Variants in PTPRD observed in about 807,000 individuals in gnomAD.
The protein encoded by PTPRD is protein tyrosine phosphatase receptor type D.
PTPRD carries 34 observed loss-of-function variants against 214.5 expected under a neutral mutation model. The ratio of observed to expected loss-of-function variants is 0.16; its 90% CI spans 0.12 to 0.21. The LOEUF is 0.21. Among genes scored for constraint, PTPRD ranks in the 10% least tolerant of loss-of-function variants. The pLI, the probability that PTPRD is intolerant of heterozygous loss-of-function variation, is 1.00. For synonymous variants in PTPRD, 1,128 were observed against 845.7 expected (o/e 1.33, Z -5.79); for missense variants, 2,545 against 2,398.7 (o/e 1.06, Z -1.27).
At chr9:9,854,519 GA>G (rs5896353) in intron 5 of PTPRD, among the ~76,000 whole-genome samples, 2 of 149,420 alleles carry the variant, frequency 1.3e-5, no homozygotes. Context: ...TTTTTTCTCA[GA>G]AAAAAAAAGA....
intron 9 of PTPRD, among the ~76,000 whole-genome samples, chr9:9,260,728 T>C (rs1569565946): frequency 6.6e-6 from 1 of 151,888 alleles, no homozygotes. Flanking sequence ...ATTAATAGAA[T>C]AGAATAGTGC....
chr9:9,419,085 C>T (rs2077860297), intron 8 of PTPRD, among the ~76,000 whole-genome samples: 1 of 149,610 alleles, frequency 6.7e-6, no homozygotes. Flanking sequence ...TATTGTACAA[C>T]TGGGTAAGCT....
At chr9:9,544,746 G>A (rs1323028240) in intron 8 of PTPRD, among the ~76,000 whole-genome samples, 3 of 151,410 alleles carry the variant, frequency 2.0e-5, no homozygotes, top group East Asian at 1.9e-4. Context: ...ACACTAATAG[G>A]TCTAAGCTTT....
chr9:8,368,676 C>CTTTTTTTTTTTTTTTTTTTTTTT (rs199556434), intron 39 of PTPRD, among the ~76,000 whole-genome samples: 1 of 117,346 alleles, frequency 8.5e-6, no homozygotes. Flanking sequence ...CCTTTTAATG[C>CTTTTTTTTTTTTTTTTTTTTTTT]TTTTTTTTTT....
Position 9,899,399 on chromosome 9 carries a change from A to C in PTPRD, c.-368+39108T>G, listed in dbSNP as rs61380648. On this transcript the variant is annotated intron_variant, in intron 5 of 45. Transcript: ENST00000381196. ...TATTTAACAATGGGCAAAGAATGTG[A>C]ATCGATATTTCTGTAAGGAAGACAT... Among the ~76,000 whole-genome samples the C allele has an allele frequency of 5.7e-3, 861 of 152,248 alleles. 9 individuals are homozygous for C. The highest frequency in any genetic ancestry group is 0.019 in the African/African-American group (806 of 41,564).
intron 5 of PTPRD, among the ~76,000 whole-genome samples, chr9:9,868,157 T>C (rs991670897): frequency 9.9e-5 from 15 of 152,184 alleles, no homozygotes; most frequent in African/African-American, 3.1e-4. Context: ...AGCTGAGTCC[T>C]AGTGAGTAGA....
chr9:9,464,236 C>A (rs2093935913), intron 8 of PTPRD, among the ~76,000 whole-genome samples: 2 of 152,088 alleles, frequency 1.3e-5, no homozygotes, highest in Non-Finnish European at 2.9e-5. Context: ...ATACCCATCA[C>A]CCAAATAGTG....
intron 7 of PTPRD, among the ~76,000 whole-genome samples, chr9:9,592,915 C>T (rs1268890012): frequency 1.3e-5 from 2 of 151,818 alleles, no homozygotes; most frequent in African/African-American, 4.8e-5. Flanking sequence ...TGTGGTGGTA[C>T]ACACCTGTAG....
intron 39 of PTPRD, among the ~76,000 whole-genome samples, chr9:8,342,362 G>A (rs1027403829): frequency 2.0e-5 from 3 of 152,022 alleles, no homozygotes; most frequent in Non-Finnish European, 2.9e-5. Flanking sequence ...ATCTGGCTAG[G>A]CTATAGTTCT....
At chr9:9,306,114 T>C (rs1171138169) in intron 9 of PTPRD, among the ~76,000 whole-genome samples, 2 of 152,120 alleles carry the variant, frequency 1.3e-5, no homozygotes. Flanking sequence ...ATAAGAACCC[T>C]ACCAAAACCT....
chr9:9,878,093 G>T (rs1235331233), intron 5 of PTPRD, among the ~76,000 whole-genome samples: 1 of 151,666 alleles, frequency 6.6e-6, no homozygotes, highest in Non-Finnish European at 1.5e-5. Context: ...CCTGCCAACT[G>T]TGGTAGAGAT....
At chr9:10,133,123 G>A (rs561038024) in intron 3 of PTPRD, among the ~76,000 whole-genome samples, 9 of 152,228 alleles carry the variant, frequency 5.9e-5, no homozygotes, top group Admixed American at 5.9e-4. Flanking sequence ...CATTCACTGA[G>A]GCTGTTTACC....
intron 12 of PTPRD, among the ~76,000 whole-genome samples, chr9:8,675,736 C>T (rs2097397318): frequency 6.6e-6 from 1 of 152,074 alleles, no homozygotes; most frequent in Non-Finnish European, 1.5e-5. Context: ...TTATCTCCAT[C>T]ACCTTGTCTC....
intron 5 of PTPRD, among the ~76,000 whole-genome samples, chr9:9,931,006 G>T (rs906806820): frequency 2.0e-5 from 3 of 151,678 alleles, no homozygotes; most frequent in Admixed American, 1.3e-4. Flanking sequence ...AACACAAATA[G>T]AATTTTACTC....
intron 3 of PTPRD, among the ~76,000 whole-genome samples, chr9:10,081,276 T>A (rs900230283): frequency 6.6e-6 from 1 of 152,130 alleles, no homozygotes; most frequent in South Asian, 2.1e-4. Context: ...TACACATCAA[T>A]AATTAGTTAC....
At chr9:9,225,917 CTCT>C (rs1320190430) in intron 9 of PTPRD, among the ~76,000 whole-genome samples, 1 of 151,976 alleles carries the variant, frequency 6.6e-6, no homozygotes, top group African/African-American at 2.4e-5. Flanking sequence ...TGAATACCTC[CTCT>C]TCTTCACAAG....
intron 2 of PTPRD, among the ~76,000 whole-genome samples, chr9:10,401,114 C>T (rs2078572049): frequency 6.6e-6 from 1 of 151,682 alleles, no homozygotes; most frequent in African/African-American, 2.4e-5. Context: ...CAGTTAGGTA[C>T]CTTACTCTAC....
chr9:10,330,081 T>C (rs79185054), intron 3 of PTPRD, among the ~76,000 whole-genome samples: 10 of 151,830 alleles, frequency 6.6e-5, no homozygotes, highest in Admixed American at 6.6e-4. Flanking sequence ...TTTTATTTCA[T>C]CTATGTTTCT....
chr9:9,426,863 A>G (rs1220195749), intron 8 of PTPRD, among the ~76,000 whole-genome samples: 1 of 152,152 alleles, frequency 6.6e-6, no homozygotes, highest in Non-Finnish European at 1.5e-5. Context: ...TTAGAAGGAA[A>G]ACTAACAAAC....
Sources: allele counts gnomAD v4.1 joint callset (sites outside exome capture counted in the v4.1 genomes callset), GRCh38; gene constraint gnomAD v4.1.1; transcripts MANE v1.5; gene names NCBI Gene and HGNC (gene_info 2026-07-23, HGNC 2026-07-21).